The following BMX variants were observed in gnomAD, a reference collection of about 807,000 sequenced individuals.
BMX encodes the protein BMX non-receptor tyrosine kinase, also known as cytoplasmic tyrosine-protein kinase BMX.
Under a neutral mutation model 59.2 loss-of-function variants are expected in BMX, and 31 were observed. The ratio of observed to expected loss-of-function variants is 0.52; its 90% confidence interval spans 0.39 to 0.71. The LOEUF (loss-of-function observed/expected upper bound fraction) is 0.71. Ranked by LOEUF, BMX falls within the 30% of genes least tolerant of loss-of-function variation. The probability of loss-of-function intolerance (pLI) is 0.00; values close to 1 mark genes in which losing one functional copy is unlikely to be tolerated. For missense variants in BMX, 474 were observed against 491.7 expected, an observed-to-expected ratio of 0.96 and a Z score of 0.34; for synonymous variants, 185 against 181.0, an observed-to-expected ratio of 1.02 and a Z score of -0.18.
At chrX:15,540,582 AT>A (rs1169463857) in intron 14 of BMX, among the ~76,000 whole-genome samples, 48 of 111,253 alleles carry the variant, frequency 4.3e-4, no homozygotes, top group African/African-American at 1.5e-3. Flanking sequence ...AAAAAAAAAA[AT>A]AAAATTTAAA....
At chrX:15,503,038 A>T (rs766473482) in intron 1 of BMX, among the ~76,000 whole-genome samples, 6 of 111,796 alleles carry the variant, frequency 5.4e-5, no homozygotes, top group Non-Finnish European at 1.1e-4. Context: ...TAACTAAACC[A>T]AGTCAAAGGG....
intron 6 of BMX, 110 bp from the exon 7 acceptor site, chrX:15,522,236 T>A: frequency 2.4e-6 from 2 of 830,225 alleles, no homozygotes; most frequent in Non-Finnish European, 3.4e-6. Context: ...CCTCCCTCCC[T>A]TCTCTCCTTC....
chrX:15,512,984 C>T (rs1217487662), intron 4 of BMX, among the ~76,000 whole-genome samples: 1 of 111,783 alleles, frequency 8.9e-6, no homozygotes, highest in Non-Finnish European at 1.9e-5. Context: ...GAAGCAAAAA[C>T]ACATCTCCTA....
rs889888710 is a variant in BMX, at chrX:15,525,341, A to C, written c.806A>C (p.Asn269Thr). 1 of 1,207,639 alleles carries C rather than the reference A, an allele frequency of 8.3e-7. No homozygotes were observed. Among genetic ancestry groups the C allele is most frequent in the African/African-American group, 1.7e-5 (1 of 57,350 alleles). Residue 269 changes from asparagine (N) to threonine (T), a missense_variant, in exon 8 of 19, where the codon AAT becomes ACT. Asn to Thr is a moderately conservative substitution (Grantham distance 65, BLOSUM62 0). Transcript: ENST00000348343. ...AGTAACCAAAAAGAAAGAAATGTGA[A>C]TCACACCACCTCAAAGATTTCATGG... ...ASSNQKERNV[N>T]HTTSKISWEF...
At chrX:15,541,494 T>TTA (rs1257930867) in intron 14 of BMX, among the ~76,000 whole-genome samples, 2 of 111,719 alleles carry the variant, frequency 1.8e-5, no homozygotes, top group Admixed American at 9.5e-5. Context: ...AATAATTTTT[T>TTA]AAAAAAGAAA....
chrX:15,538,567 C>T (rs1925491781), intron 14 of BMX, among the ~76,000 whole-genome samples: 1 of 111,912 alleles, frequency 8.9e-6, no homozygotes, highest in African/African-American at 3.3e-5. Context: ...AAGCACTTTA[C>T]AAATATTAAC....
At chrX:15,548,054 A>AAAAATCTTTTTTTTTTAAC (rs1926025018) in intron 17 of BMX, among the ~76,000 whole-genome samples, 1 of 112,485 alleles carries the variant, frequency 8.9e-6, no homozygotes, top group South Asian at 3.6e-4. Context: ...GTTGTTAAAA[A>AAAAATCTTTTTTTTTTAAC]AAAAGATAAT....
At chrX:15,501,057 T>C in intron 1 of BMX, 117 bp downstream of exon 1, 1 of 583,892 alleles carries the variant, frequency 1.7e-6, no homozygotes, top group Non-Finnish European at 2.1e-6. Context: ...TTAAGAAAAA[T>C]AGTACAACAT....
chrX:15,504,762 G>A (rs1013085683), intron 1 of BMX, among the ~76,000 whole-genome samples: 2 of 112,133 alleles, frequency 1.8e-5, no homozygotes, highest in African/African-American at 6.5e-5. Flanking sequence ...CCAGGTTTTT[G>A]TGTCTCCTCT....
intron 1 of BMX, among the ~76,000 whole-genome samples, chrX:15,504,883 C>A (rs964537750): frequency 9.0e-6 from 1 of 111,388 alleles, no homozygotes; most frequent in Non-Finnish European, 1.9e-5. Flanking sequence ...GAGAGTCCAC[C>A]CAGATCCCAC....
chrX:15,543,885 T>C (rs1300736041), intron 16 of BMX, among the ~76,000 whole-genome samples: 1 of 111,658 alleles, frequency 9.0e-6, no homozygotes, highest in Non-Finnish European at 1.9e-5. Context: ...TCAGAGCAAA[T>C]TTTCATAGTT....
At chrX:15,501,175 C>T (rs776048566) in intron 1 of BMX, among the ~76,000 whole-genome samples, 4 of 112,013 alleles carry the variant, frequency 3.6e-5, no homozygotes, top group African/African-American at 1.3e-4. Flanking sequence ...TCACTCCTTG[C>T]TCAAAATCTC....
intron 9 of BMX, among the ~76,000 whole-genome samples, chrX:15,527,193 CA>C (rs1188631387): frequency 8.3e-3 from 118 of 14,150 alleles, no homozygotes; most frequent in African/African-American, 0.029. Context: ...GACTCTGTCT[CA>C]AAAAAAAAAA....
chrX:15,542,015 T>C lies in BMX; in HGVS notation c.1428T>C (p.Tyr476=), dbSNP rs138641505. Residue 476 remains tyrosine (Y), a synonymous_variant, in exon 15 of 19, where the codon TAT becomes TAC. Coordinates refer to ENST00000348343, the MANE Select transcript of BMX (RefSeq NM_203281.3). ...KLSHPKLVKF[Y]GVCSKEYPIY... ...GCCATCCCAAGCTGGTTAAATTCTA[T>C]GGAGTGTGTTCAAAGGAATACCCCA... 185 of 1,208,834 alleles carry C rather than the reference T, an allele frequency of 1.5e-4. No homozygotes were observed. The highest frequency in any genetic ancestry group is 2.0e-4 in the Non-Finnish European group (175 of 894,983).
intron 9 of BMX, among the ~76,000 whole-genome samples, chrX:15,527,930 A>G (rs1339402223): frequency 8.9e-6 from 1 of 112,867 alleles, no homozygotes; most frequent in Non-Finnish European, 1.9e-5. Flanking sequence ...TCATTTCCAA[A>G]GATAATTGCA....
In BMX at chrX:15,556,216, A is replaced by C; in HGVS notation, c.*69A>C. ...CCAGCATTTTCATTCATTTTAAGGA[A>C]AGTAGCAAGGCATAATGTAATTTAG... On this transcript the variant is annotated 3_prime_UTR_variant, in exon 19 of 19. Transcript: ENST00000348343. The C allele has an allele frequency of 4.1e-6, 4 of 980,031 alleles. No homozygotes were observed. Among genetic ancestry groups the C allele is most frequent in the Non-Finnish European group, 5.6e-6 (4 of 713,557 alleles). The allele number at this position is 980,031 out of a possible 1,213,427, so 80.8% of individuals were successfully genotyped here.
Position 15,534,350 on chromosome X carries a change from T to C in BMX, c.1147+11T>C, listed in dbSNP as rs774240694. The C allele has an allele frequency of 8.7e-7, 1 of 1,151,426 alleles. No homozygotes were observed. Among genetic ancestry groups the C allele is most frequent in the Non-Finnish European group, 1.2e-6 (1 of 867,783 alleles). 94.9% of individuals were successfully genotyped at this position (1,151,426 alleles called of 1,213,427 possible). On this transcript the variant is annotated intron_variant, in intron 12 of 18. Coordinates refer to ENST00000348343, the MANE Select transcript of BMX (RefSeq NM_203281.3). ...AACACAATTCAGCAGGTAACTTATTTTAGTTTTTCTTTTATGGGCCCTTGT... is the reference window on the plus strand; with the variant it reads ...AACACAATTCAGCAGGTAACTTATTCTAGTTTTTCTTTTATGGGCCCTTGT...
rs1926438879 is a variant in BMX at position 15,556,441 on chromosome X, C to T, written c.*294C>T. 5.4e-6 allele frequency: 1 copy of T among 184,966 alleles called. No individual in the cohort carries two copies. Among genetic ancestry groups the T allele is most frequent in the Admixed American group, 7.7e-5 (1 of 13,055 alleles). 15.2% of individuals were successfully genotyped at this position (184,966 alleles called of 1,213,427 possible). A position where few individuals can be genotyped will look rare whatever the true frequency, so the allele number is the denominator to read the frequency against. ...GTTCATGTGTAAAGACTGAGCAGAACTGAAAAATTACTTATTGGATATTCA... is the reference window on the plus strand; with the variant it reads ...GTTCATGTGTAAAGACTGAGCAGAATTGAAAAATTACTTATTGGATATTCA... On this transcript the variant is annotated 3_prime_UTR_variant, in exon 19 of 19. Coordinates refer to ENST00000348343, the MANE Select transcript of BMX (RefSeq NM_203281.3).
At chrX:15,512,027 C>G (rs770519891) in intron 4 of BMX, among the ~76,000 whole-genome samples, 30 of 112,146 alleles carry the variant, frequency 2.7e-4, no homozygotes, top group Non-Finnish European at 5.3e-4. Context: ...ATTTTTCAGA[C>G]AAGTAAAGTT....
Sources: allele counts gnomAD v4.1 joint callset (sites outside exome capture counted in the v4.1 genomes callset), GRCh38; gene constraint gnomAD v4.1.1; transcripts MANE v1.5; gene names NCBI Gene and HGNC (gene_info 2026-07-23, HGNC 2026-07-21).